Variants in SEMA3A observed in about 807,000 individuals in gnomAD.
SEMA3A encodes the protein semaphorin-3A.
A neutral mutation model predicts 97.9 loss-of-function variants in SEMA3A; 29 were observed. The observed-to-expected ratio is 0.30, with a 90% CI of 0.22 to 0.40. The LOEUF (loss-of-function observed/expected upper bound fraction) is 0.40. Among genes scored for constraint, SEMA3A ranks in the 10% least tolerant of loss-of-function variants. SEMA3A has a pLI of 1.00. For missense variants in SEMA3A, 763 were observed against 951.3 expected (o/e 0.80, Z 2.60); for synonymous variants, 321 against 323.7 (o/e 0.99, Z 0.09).
intron 1 of SEMA3A, among the ~76,000 whole-genome samples, chr7:84,140,382 A>T (rs368189851): frequency 1.3e-5 from 2 of 152,046 alleles, no homozygotes; most frequent in South Asian, 2.1e-4. Flanking sequence ...TGTATATTTG[A>T]CCTTCAAATC....
At chr7:84,141,120 TC>T (rs1229154520) in intron 1 of SEMA3A, among the ~76,000 whole-genome samples, 2 of 152,182 alleles carry the variant, frequency 1.3e-5, no homozygotes, top group Non-Finnish European at 2.9e-5. Flanking sequence ...TCCTACTATT[TC>T]TGGTCAGTGC....
chr7:84,347,453 CCGGG>C (rs1802329215), intron 2 of SEMA3A, among the ~76,000 whole-genome samples: 2 of 146,050 alleles, frequency 1.4e-5, no homozygotes, highest in Non-Finnish European at 3.0e-5. Context: ...TGGTCTGTTG[CCGGG>C]CTGGAGTGCA....
At chr7:84,002,852 C>A (rs1470993266) in intron 11 of SEMA3A, among the ~76,000 whole-genome samples, 1 of 152,058 alleles carries the variant, frequency 6.6e-6, no homozygotes, top group Non-Finnish European at 1.5e-5. Context: ...TTAAAAGAGA[C>A]AACTTGTTTT....
At chr7:84,184,846 T>C (rs1290621868) in intron 1 of SEMA3A, among the ~76,000 whole-genome samples, 2 of 152,150 alleles carry the variant, frequency 1.3e-5, no homozygotes, top group Non-Finnish European at 2.9e-5. Flanking sequence ...AGGAGACTCT[T>C]GGTAACTTTT....
chr7:84,406,608 T>G (rs1165197748), intron 1 of SEMA3A, among the ~76,000 whole-genome samples: 1 of 152,104 alleles, frequency 6.6e-6, no homozygotes, highest in Non-Finnish European at 1.5e-5. Context: ...AAAAAGAGAA[T>G]TTTAGACCAA....
intron 13 of SEMA3A, 96 bp from the exon 14 acceptor site, chr7:83,981,574 G>C: frequency 9.5e-7 from 1 of 1,049,374 alleles, no homozygotes; most frequent in South Asian, 2.4e-5. Context: ...ACTTCTCAGA[G>C]ATAAATTAAG....
At chr7:84,122,343 C>A (rs1341302037) in intron 3 of SEMA3A, among the ~76,000 whole-genome samples, 1 of 151,968 alleles carries the variant, frequency 6.6e-6, no homozygotes, top group Non-Finnish European at 1.5e-5. Context: ...TCATCACTGG[C>A]CATCAGAGAA....
At chr7:84,059,306 T>G (rs1190435706) in intron 5 of SEMA3A, among the ~76,000 whole-genome samples, 1 of 152,150 alleles carries the variant, frequency 6.6e-6, no homozygotes, top group South Asian at 2.1e-4. Context: ...AGTGTCCACA[T>G]TTGAAAAGCA....
intron 1 of SEMA3A, among the ~76,000 whole-genome samples, chr7:84,375,662 C>A (rs1803079743): frequency 6.6e-6 from 1 of 152,072 alleles, no homozygotes; most frequent in Admixed American, 6.5e-5. Flanking sequence ...ATATTCATCA[C>A]CTCAAACATT....
At chr7:84,386,829 G>A (rs757408973) in intron 1 of SEMA3A, among the ~76,000 whole-genome samples, 1 of 151,890 alleles carries the variant, frequency 6.6e-6, no homozygotes, top group Admixed American at 6.6e-5. Flanking sequence ...GCGAAACCCT[G>A]TCTCTACTAA....
At chr7:84,461,475 T>A (rs983917607) in intron 1 of SEMA3A, among the ~76,000 whole-genome samples, 3 of 151,940 alleles carry the variant, frequency 2.0e-5, no homozygotes, top group Non-Finnish European at 2.9e-5. Flanking sequence ...TTTTTTTTTT[T>A]ACAGCTGTCT....
chr7:83,988,806 T>A (rs1243297890), intron 12 of SEMA3A, among the ~76,000 whole-genome samples: 1 of 151,722 alleles, frequency 6.6e-6, no homozygotes, highest in East Asian at 1.9e-4. Context: ...ATCTTTAGAA[T>A]TTAGTGGCCA....
chr7:84,025,167 A>G (rs1016719676), intron 6 of SEMA3A, among the ~76,000 whole-genome samples: 5 of 152,328 alleles, frequency 3.3e-5, no homozygotes, highest in Admixed American at 3.3e-4. Context: ...GGTAGCTGAT[A>G]AGGATTCTAA....
chr7:84,012,011 AC>A (rs1252583733), intron 7 of SEMA3A, among the ~76,000 whole-genome samples: 1 of 150,344 alleles, frequency 6.7e-6, no homozygotes, highest in African/African-American at 2.5e-5. Flanking sequence ...TCGTGACCTC[AC>A]TTATATGTGG....
chr7:84,310,798 A>G (rs775663073), intron 2 of SEMA3A, among the ~76,000 whole-genome samples: 2 of 152,090 alleles, frequency 1.3e-5, no homozygotes, highest in Non-Finnish European at 2.9e-5. Flanking sequence ...TAATATTGCT[A>G]GAAAATTTCA....
At chr7:84,347,705 C>A (rs748224494) in intron 2 of SEMA3A, among the ~76,000 whole-genome samples, 7 of 151,914 alleles carry the variant, frequency 4.6e-5, no homozygotes, top group Non-Finnish European at 1.0e-4. Context: ...CCACCGTGCC[C>A]AGCTCTTCAA....
intron 1 of SEMA3A, among the ~76,000 whole-genome samples, chr7:84,469,397 TA>T (rs1385419558): frequency 1.3e-5 from 2 of 152,178 alleles, no homozygotes; most frequent in Non-Finnish European, 2.9e-5. Flanking sequence ...CTGAACAAAA[TA>T]AAATGTCACC....
chr7:84,086,245 CAAG>C (rs1384597363), intron 4 of SEMA3A, among the ~76,000 whole-genome samples: 2 of 151,756 alleles, frequency 1.3e-5, no homozygotes, highest in Admixed American at 6.6e-5. Context: ...ATTGAGAACA[CAAG>C]AAGATGCTGG....
chr7:84,382,938 T>C (rs1803304795), intron 1 of SEMA3A, among the ~76,000 whole-genome samples: 1 of 151,924 alleles, frequency 6.6e-6, no homozygotes, highest in Non-Finnish European at 1.5e-5. Flanking sequence ...AAAAGCTAAC[T>C]TGTGTTTAGA....
Sources: allele counts gnomAD v4.1 joint callset (sites outside exome capture counted in the v4.1 genomes callset), GRCh38; gene constraint gnomAD v4.1.1; transcripts MANE v1.5; gene names NCBI Gene and HGNC (gene_info 2026-07-23, HGNC 2026-07-21).